CDKL1: variants seen among roughly 807,000 people sequenced by gnomAD.
CDKL1 encodes the protein cyclin-dependent kinase-like 1.
CDKL1 carries 41 observed loss-of-function variants against 42.0 expected under a neutral mutation model. The observed-to-expected ratio is 0.98, with a 90% CI of 0.76 to 1.27. The LOEUF (loss-of-function observed/expected upper bound fraction) is 1.27. Among genes scored for constraint, CDKL1 ranks in the 50% most tolerant of loss-of-function variants. CDKL1 has a pLI of 0.00. For missense variants in CDKL1, 394 were observed against 428.4 expected (o/e 0.92, Z 0.71); for synonymous variants, 153 against 158.6 (o/e 0.96, Z 0.26).
intron 3 of CDKL1, among the ~76,000 whole-genome samples, chr14:50,352,877 G>C (rs939219353): frequency 3.9e-5 from 6 of 152,190 alleles, no homozygotes; most frequent in Non-Finnish European, 2.9e-5. Flanking sequence ...CCCAAATTCT[G>C]AGTACTAGCT....
chr14:50,353,822 G>C (rs1951367952), intron 3 of CDKL1, among the ~76,000 whole-genome samples: 1 of 152,052 alleles, frequency 6.6e-6, no homozygotes, highest in South Asian at 2.1e-4. Flanking sequence ...CTTGAGCCCA[G>C]GAGTTCAAGT....
At chr14:50,395,282 G>A (rs2139562217) in intron 2 of CDKL1, among the ~76,000 whole-genome samples, 1 of 152,274 alleles carries the variant, frequency 6.6e-6, no homozygotes, top group Admixed American at 6.5e-5. Context: ...AAATTATGGG[G>A]AAGAAAAATA....
At chr14:50,345,618 T>C (rs1472272095) in intron 3 of CDKL1, among the ~76,000 whole-genome samples, 1 of 152,224 alleles carries the variant, frequency 6.6e-6, no homozygotes, top group Non-Finnish European at 1.5e-5. Flanking sequence ...ACCATTCTAT[T>C]TGTTTTTTAG....
chr14:50,359,966 CA>C (rs1328650933), intron 2 of CDKL1, among the ~76,000 whole-genome samples: 1 of 151,424 alleles, frequency 6.6e-6, no homozygotes, highest in Non-Finnish European at 1.5e-5. Flanking sequence ...CTAAGAAAGA[CA>C]AAAAAAAGTC....
In CDKL1 at chr14:50,329,880, G is replaced by A. The variant is rs2032842031; in HGVS notation, c.*194C>T. 3.2e-6 allele frequency: 2 copies of A among 626,820 alleles called. No homozygotes were observed. 38.8% of individuals were successfully genotyped at this position (626,820 alleles called of 1,614,324 possible). ...CTCCAAACAGGTTTTTTCTTTTCTGGACACCATCATCAAGCATGGAAGACT... is the reference window on the plus strand; with the variant it reads ...CTCCAAACAGGTTTTTTCTTTTCTGAACACCATCATCAAGCATGGAAGACT... On this transcript the variant is annotated 3_prime_UTR_variant, in exon 10 of 10. Transcript: ENST00000395834.
At chr14:50,397,091 C>G (rs1424093006), upstream of CDKL1, 1 of 1,354,694 alleles carries the variant, frequency 7.4e-7, no homozygotes, top group East Asian at 4.7e-5. Flanking sequence ...GAGAGCAGAC[C>G]TGCTAGATTT....
chr14:50,396,057 G>A lies in CDKL1; in HGVS notation c.-189C>T, dbSNP rs2035392488. 24 of 1,073,650 alleles carry A rather than the reference G, an allele frequency of 2.2e-5. 1 individual carries two copies. In the South Asian group the frequency reaches 3.7e-4, roughly 17 times the overall value. The allele number at this position is 1,073,650 out of a possible 1,614,324, so 66.5% of individuals were successfully genotyped here. On this transcript the variant is annotated 5_prime_UTR_variant, in exon 2 of 10. Coordinates refer to ENST00000395834, the MANE Select transcript of CDKL1 (RefSeq NM_004196.7). ...AAAAATTAGCCGGGTGTGGTGATGG[G>A]CGCCCGTAGTCCCAGCAACTCAGGA...
At chr14:50,338,257 C>T (rs757602422) in intron 7 of CDKL1, among the ~76,000 whole-genome samples, 13 of 152,158 alleles carry the variant, frequency 8.5e-5, no homozygotes, top group South Asian at 2.1e-4. Context: ...CTTGCTCTGT[C>T]GCCCACCCAG....
At chr14:50,360,367 C>T (rs964446064) in intron 2 of CDKL1, among the ~76,000 whole-genome samples, 2 of 152,054 alleles carry the variant, frequency 1.3e-5, no homozygotes, top group South Asian at 4.1e-4. Flanking sequence ...AATCCTTCCT[C>T]CCCCCAGTCC....
intron 3 of CDKL1, among the ~76,000 whole-genome samples, chr14:50,357,508 G>A (rs1393690970): frequency 6.6e-6 from 1 of 151,970 alleles, no homozygotes; most frequent in African/African-American, 2.4e-5. Flanking sequence ...TTGGGCTCCC[G>A]AGAACACAGC....
At position 50,359,015 on chromosome 14, in the gene CDKL1, A is replaced by T; in HGVS notation, c.290+13T>A. The T allele has an allele frequency of 6.2e-7, 1 of 1,607,446 alleles. No homozygotes were observed. The highest frequency in any genetic ancestry group is 1.3e-5 in the African/African-American group (1 of 74,792). ...TGTGTCTTTGTTTTGCTTGTAAGGGATGGATCACTCACCCTCTTTGGTATC... is the reference window on the plus strand; with the variant it reads ...TGTGTCTTTGTTTTGCTTGTAAGGGTTGGATCACTCACCCTCTTTGGTATC... On this transcript the variant is annotated intron_variant, in intron 3 of 9. Coordinates refer to ENST00000395834, the MANE Select transcript of CDKL1 (RefSeq NM_004196.7).
At chr14:50,359,178 A>G in intron 2 of CDKL1, 29 bp from the exon 3 acceptor site, 1 of 1,588,798 alleles carries the variant, frequency 6.3e-7, no homozygotes. Context: ...AAGTTACTAA[A>G]TTTGACTTGT....
intron 2 of CDKL1, among the ~76,000 whole-genome samples, chr14:50,363,686 T>C (rs893283226): frequency 1.3e-5 from 2 of 152,188 alleles, no homozygotes; most frequent in African/African-American, 4.8e-5. Context: ...CTAACAAAAG[T>C]AGAAATGCAT....
At chr14:50,350,190 C>T (rs1376291720) in intron 3 of CDKL1, among the ~76,000 whole-genome samples, 3 of 152,214 alleles carry the variant, frequency 2.0e-5, no homozygotes, top group Admixed American at 6.5e-5. Context: ...GGATTATAGA[C>T]ATGAGCCACT....
At chr14:50,348,423 T>C (rs1490800003) in intron 3 of CDKL1, among the ~76,000 whole-genome samples, 3 of 152,306 alleles carry the variant, frequency 2.0e-5, no homozygotes, top group East Asian at 1.9e-4. Flanking sequence ...ATACGTGAGA[T>C]TGTGGATACC....
rs1020170437 is a variant in CDKL1, at chr14:50,326,382, A to G, written c.*3692T>C. 1 of 919,362 alleles carries G rather than the reference A, an allele frequency of 1.1e-6. No homozygotes were observed. Among genetic ancestry groups the G allele is most frequent in the Admixed American group, 6.2e-5 (1 of 16,148 alleles). 57.0% of individuals were successfully genotyped at this position (919,362 alleles called of 1,614,324 possible). On this transcript the variant is annotated 3_prime_UTR_variant, in exon 10 of 10. Coordinates refer to ENST00000395834, the MANE Select transcript of CDKL1 (RefSeq NM_004196.7). ...TGTTTTTATTATAACAGTAATTTAC[A>G]TTTAACTTTAAAGTTAGTGAAGCAT...
intron 7 of CDKL1, among the ~76,000 whole-genome samples, chr14:50,336,863 T>TAAAA (rs35078048): frequency 6.7e-6 from 1 of 148,340 alleles, no homozygotes; most frequent in Non-Finnish European, 1.5e-5. Flanking sequence ...TTCACAAATG[T>TAAAA]AAAAAAAAAA....
chr14:50,345,189 T>C (rs569550618), intron 3 of CDKL1, 131 bp from the exon 4 acceptor site: 1 of 718,396 alleles, frequency 1.4e-6, no homozygotes, highest in South Asian at 1.8e-5. Context: ...ATCTTACTCA[T>C]CAATCATTCC....
chr14:50,363,681 A>G (rs1763116729), intron 2 of CDKL1, among the ~76,000 whole-genome samples: 1 of 152,210 alleles, frequency 6.6e-6, no homozygotes, highest in Non-Finnish European at 1.5e-5. Flanking sequence ...CTCTTCTAAC[A>G]AAAGTAGAAA....
Sources: allele counts gnomAD v4.1 joint callset (sites outside exome capture counted in the v4.1 genomes callset), GRCh38; gene constraint gnomAD v4.1.1; transcripts MANE v1.5; gene names NCBI Gene and HGNC (gene_info 2026-07-23, HGNC 2026-07-21).